The following SYNJ2 variants were observed in gnomAD, a reference collection of about 807,000 sequenced individuals.
SYNJ2 encodes the protein synaptojanin 2, also known as polyphosphatidylinositol phosphatase SYNJ2.
In SYNJ2, 116 loss-of-function variants were observed where a neutral mutation model predicts 141.3. The observed-to-expected ratio is 0.82, with a 90% CI of 0.71 to 0.96. SYNJ2 has a LOEUF of 0.96. Ranked by LOEUF, SYNJ2 falls within the 40% of genes least tolerant of loss-of-function variation. The pLI is 0.00. For synonymous variants in SYNJ2, 745 were observed against 777.7 expected (o/e 0.96, Z 0.70); for missense variants, 1,873 against 1,934.8 (o/e 0.97, Z 0.60).
In SYNJ2 at chr6:158,096,309, G is replaced by A; in HGVS notation, c.4436G>A (p.Ser1479Asn). 6.2e-7 allele frequency: 1 copy of A among 1,613,740 alleles called. No homozygotes were observed. The highest frequency in any genetic ancestry group is 8.5e-7 in the Non-Finnish European group (1 of 1,179,960). ...ACCTTAGGTCACTGGGTGACAATCAGTGACCAAGAAAAGAGGACAGCACTG... is the reference window on the plus strand; with the variant it reads ...ACCTTAGGTCACTGGGTGACAATCAATGACCAAGAAAAGAGGACAGCACTG... The part of the protein sequence containing the change: ...HKTLGHWVTI[S>N]DQEKRTALQV... Residue 1479 changes from serine to asparagine, a missense_variant, in exon 27 of 27, where the codon AGT becomes AAT. Ser to Asn is a conservative substitution (Grantham distance 46). Coordinates refer to ENST00000355585, the MANE Select transcript of SYNJ2 (RefSeq NM_003898.4).
rs530439611 is a variant in SYNJ2, at chr6:158,084,199, G to C, written c.3208+25G>C. ...GGTAGCCTGACCCTTCTTTTCTCAG[G>C]AGCCTCAGCGATGGAGTCAGCTCAG... is the stretch of plus-strand genomic sequence containing the variant. On this transcript the variant is annotated intron_variant, in intron 22 of 26. Coordinates refer to ENST00000355585, the MANE Select transcript of SYNJ2 (RefSeq NM_003898.4). The surrounding 1 kb of genome is among the most constrained non-coding windows in gnomAD (Gnocchi z 5.0). 2 of 1,606,642 alleles carry C rather than the reference G, an allele frequency of 1.2e-6. No homozygotes were observed. The highest frequency in any genetic ancestry group is 2.2e-5 in the South Asian group (2 of 90,772).
At chr6:158,049,984 G>A (rs890988274) in intron 5 of SYNJ2, among the ~76,000 whole-genome samples, 2 of 152,140 alleles carry the variant, frequency 1.3e-5, no homozygotes, top group Non-Finnish European at 2.9e-5. Context: ...GGCTCTGCAG[G>A]TGTGCACCCG....
At chr6:158,078,399 G>A in intron 18 of SYNJ2, 118 bp downstream of exon 18, 1 of 669,638 alleles carries the variant, frequency 1.5e-6, no homozygotes, top group Non-Finnish European at 2.6e-6. Flanking sequence ...GGTGCATTTT[G>A]TGTGCATACA....
rs1349752231 is a variant in SYNJ2, at chr6:158,053,694, C to T, written c.796-1273C>T. 2.6e-5 allele frequency among the ~76,000 whole-genome samples: 4 copies of T among 151,802 alleles called. No homozygotes were observed. In the South Asian group the frequency reaches 8.4e-4, roughly 32 times the overall value. ...CCCTCTATCCAGCCAGTCATCCATCCATCCATCCAGTCATCCACCCATCCA... is the reference window on the plus strand; with the variant it reads ...CCCTCTATCCAGCCAGTCATCCATCTATCCATCCAGTCATCCACCCATCCA... On this transcript the variant is annotated intron_variant, in intron 5 of 26. Coordinates refer to ENST00000355585, the MANE Select transcript of SYNJ2 (RefSeq NM_003898.4).
At chr6:158,020,126 G>GTGACTCTGGAC (rs113883841) in intron 2 of SYNJ2, among the ~76,000 whole-genome samples, 1 of 148,828 alleles carries the variant, frequency 6.7e-6, no homozygotes, top group African/African-American at 2.5e-5. Context: ...CTCCACCTGT[G>GTGACTCTGGAC]TGACTCTGCG....
intron 15 of SYNJ2, among the ~76,000 whole-genome samples, chr6:158,073,441 G>A (rs967483737): frequency 2.6e-5 from 4 of 152,092 alleles, no homozygotes; most frequent in South Asian, 2.1e-4. Context: ...CAAGTGATCC[G>A]CCTGCCTCAG....
chr6:158,068,137 A>AT (rs1746628160), intron 12 of SYNJ2, among the ~76,000 whole-genome samples: 1 of 106,390 alleles, frequency 9.4e-6, no homozygotes, highest in Non-Finnish European at 2.0e-5. Context: ...GGATTGTTTT[A>AT]TTTAAAAAAA....
intron 22 of SYNJ2, 87 bp from the exon 23 acceptor site, chr6:158,086,768 A>G (rs559845054): frequency 4.1e-4 from 501 of 1,212,330 alleles, no homozygotes; most frequent in Non-Finnish European, 4.2e-4. Flanking sequence ...TCCCCCTGCC[A>G]CAGTCGGCCT....
chr6:157,993,813 T>G (rs1272931046), intron 1 of SYNJ2, among the ~76,000 whole-genome samples: 18 of 112,550 alleles, frequency 1.6e-4, no homozygotes, highest in African/African-American at 2.6e-4. Flanking sequence ...TTTTTTTTTT[T>G]TTTTTTTTTT....
chr6:158,011,273 C>T (rs35683222), intron 1 of SYNJ2, among the ~76,000 whole-genome samples: 2,821 of 152,206 alleles, frequency 0.019, 45 homozygotes, highest in South Asian at 0.043. Flanking sequence ...AGGAGGTCCC[C>T]GGCTCCAGGT....
intron 1 of SYNJ2, among the ~76,000 whole-genome samples, chr6:157,997,762 C>CA (rs34945171): frequency 4.0e-5 from 6 of 151,696 alleles, no homozygotes; most frequent in South Asian, 2.1e-4. Context: ...GAAGCATTGG[C>CA]AAAAAAAATA....
chr6:158,081,181 A>C lies in SYNJ2; in HGVS notation c.2640A>C (p.Glu880Asp), dbSNP rs1782654305. 1.2e-6 allele frequency: 2 copies of C among 1,614,154 alleles called. No individual in the cohort carries two copies. The highest frequency in any genetic ancestry group is 1.7e-6 in the Non-Finnish European group (2 of 1,180,024). ...DVGARERVFQEVSSFQGPLDA... is the reference protein window; with the variant it reads ...DVGARERVFQDVSSFQGPLDA... ...GTGCTCGGGAGAGGGTTTTCCAGGAAGTGTCCTCCTTCCAGGGCCCCCTGG... is the reference window on the plus strand; with the variant it reads ...GTGCTCGGGAGAGGGTTTTCCAGGACGTGTCCTCCTTCCAGGGCCCCCTGG... Residue 880 changes from glutamate to aspartate, a missense_variant, in exon 19 of 27, where the codon GAA becomes GAC. Transcript: ENST00000355585.
rs892724662 is a variant in SYNJ2 at position 158,043,824 on chromosome 6, G to A, written c.795+425G>A. ...TGGCTGCGTAGGTCTGGCACCCGGT[G>A]CTGCCTGTTGTGGGGCCACGTGAGA... On this transcript the variant is annotated intron_variant, in intron 5 of 26. Coordinates refer to ENST00000355585, the MANE Select transcript of SYNJ2 (RefSeq NM_003898.4). This position sits in a 1 kb window ranked among gnomAD's most constrained non-coding sequence, Gnocchi z 4.0. 3.9e-5 allele frequency among the ~76,000 whole-genome samples: 6 copies of A among 152,194 alleles called. No homozygotes were observed. The highest frequency in any genetic ancestry group is 1.4e-4 in the African/African-American group (6 of 41,462).
At chr6:158,032,589 C>T (rs1052627444) in intron 3 of SYNJ2, among the ~76,000 whole-genome samples, 4 of 152,146 alleles carry the variant, frequency 2.6e-5, no homozygotes, top group African/African-American at 9.7e-5. Context: ...AAAGGCTCGG[C>T]GTGAAGAGCG....
intron 5 of SYNJ2, among the ~76,000 whole-genome samples, chr6:158,046,991 G>A (rs1251402725): frequency 1.3e-5 from 2 of 152,154 alleles, no homozygotes; most frequent in African/African-American, 2.4e-5. Context: ...AGGATGCCGA[G>A]TAGAGCAGAC....
At position 158,086,859 on chromosome 6, in the gene SYNJ2, C is replaced by T. The variant is rs567451101; in HGVS notation, c.3213C>T (p.Asp1071=). The change falls in exon 23 of 27, where the codon GAC becomes GAT. Residue 1071 remains aspartate (D), a synonymous_variant. Coordinates refer to ENST00000355585, the MANE Select transcript of SYNJ2 (RefSeq NM_003898.4). ...ATGCCCCGCCATGTCCTCCAGATGA[C>T]GCGGACCTGGTGGAGCTCAAGCGGG... is the stretch of plus-strand genomic sequence containing the variant. The part of the protein sequence containing the change: ...KKKQHPTYKD[D]ADLVELKREL... The T allele has an allele frequency of 7.4e-6, 12 of 1,611,638 alleles. No individual in the cohort carries two copies. The East Asian group carries it at 2.7e-4, about 36-fold the overall frequency.
At chr6:158,090,878 C>T (rs2128399832) in intron 25 of SYNJ2, among the ~76,000 whole-genome samples, 1 of 152,112 alleles carries the variant, frequency 6.6e-6, no homozygotes, top group East Asian at 1.9e-4. Context: ...AAGCAATCAC[C>T]ATTGCTTAAT....
chr6:158,049,859 T>C (rs1019495415), intron 5 of SYNJ2, among the ~76,000 whole-genome samples: 4 of 151,950 alleles, frequency 2.6e-5, no homozygotes, highest in Admixed American at 1.3e-4. Context: ...CACGCAGCTC[T>C]GCAGGTGGGG....
In SYNJ2 at chr6:158,096,313, C is replaced by A; in HGVS notation, c.4440C>A (p.Asp1480Glu). 6.2e-7 allele frequency: 1 copy of A among 1,613,504 alleles called. No individual in the cohort carries two copies. Among genetic ancestry groups the A allele is most frequent in the Non-Finnish European group, 8.5e-7 (1 of 1,179,886 alleles). The change falls in exon 27 of 27, where the codon GAC becomes GAA. Residue 1480 changes from aspartate to glutamate, a missense_variant. Physicochemically the swap from Asp to Glu is conservative, Grantham distance 45. Coordinates refer to ENST00000355585, the MANE Select transcript of SYNJ2 (RefSeq NM_003898.4). ...KTLGHWVTIS[D>E]QEKRTALQVF... Reference sequence around the variant, plus strand: ...TAGGTCACTGGGTGACAATCAGTGACCAAGAAAAGAGGACAGCACTGCAGG... The same window carrying A: ...TAGGTCACTGGGTGACAATCAGTGAACAAGAAAAGAGGACAGCACTGCAGG...
Sources: gnomAD v4.1 joint callset for allele counts (sites outside exome capture counted in the v4.1 genomes callset) on GRCh38, gnomAD v4.1.1 for gene constraint, Gnocchi (gnomAD v3.1) non-coding constraint, MANE v1.5 for transcripts, NCBI Gene and HGNC (gene_info 2026-07-23, HGNC 2026-07-21) for gene names.